The following AWAT1 variants were observed in gnomAD, a reference collection of about 807,000 sequenced individuals.
The protein encoded by AWAT1 is acyl-CoA wax alcohol acyltransferase 1, also known as diacyl-glycerol acyltransferase 2.
In AWAT1, 26 loss-of-function variants were observed where a neutral mutation model predicts 21.6. The observed-to-expected ratio is 1.20, with a 90% CI of 0.88 to 1.67. The LOEUF (loss-of-function observed/expected upper bound fraction) is 1.67, where lower values mean the gene tolerates loss of function less well. Among genes scored for constraint, AWAT1 ranks in the 40% most tolerant of loss-of-function variants. AWAT1 has a pLI of 0.00. For synonymous variants in AWAT1, 102 were observed against 99.3 expected (o/e 1.03, Z -0.16); for missense variants, 264 against 249.4 (o/e 1.06, Z -0.39).
At position 70,234,790 on chromosome X, in the gene AWAT1, G is replaced by A; in HGVS notation, c.76+19G>A. 8.4e-7 allele frequency: 1 copy of A among 1,188,638 alleles called. No individual in the cohort carries two copies. Among genetic ancestry groups the A allele is most frequent in the Non-Finnish European group, 1.1e-6 (1 of 875,461 alleles). ...GCCATCTGTGAGTATTGACCCAAGA[G>A]TGCATAGCAAGAAGCCAGAGTCAGA... On this transcript the variant is annotated intron_variant, in intron 1 of 6. Coordinates refer to ENST00000374521, the MANE Select transcript of AWAT1 (RefSeq NM_001013579.3).
At chrX:70,238,485 A>G in intron 5 of AWAT1, 102 bp downstream of exon 5, 1 of 889,864 alleles carries the variant, frequency 1.1e-6, no homozygotes, top group South Asian at 3.6e-5. Context: ...CCCTCAAGGA[A>G]CATACTACCA....
At position 70,240,602 on chromosome X, in the gene AWAT1, C is replaced by T; in HGVS notation, c.*312C>T. On this transcript the variant is annotated 3_prime_UTR_variant, in exon 7 of 7. Transcript: ENST00000374521. ...CCCCCAGCCCCTGGGCAACTATCTACTTTCTGTCTCTGTGGATTTGCCAAT... is the reference window on the plus strand; with the variant it reads ...CCCCCAGCCCCTGGGCAACTATCTATTTTCTGTCTCTGTGGATTTGCCAAT... The T allele has an allele frequency of 8.0e-6, 2 of 251,255 alleles. No homozygotes were observed. Among genetic ancestry groups the T allele is most frequent in the Non-Finnish European group, 7.2e-6 (1 of 139,721 alleles). The allele number at this position is 251,255 out of a possible 1,213,427, so 20.7% of individuals were successfully genotyped here.
In AWAT1 at chrX:70,240,644, AAATGG is replaced by A. The variant is rs1294962551; in HGVS notation, c.*358_*362del. 1 of 197,617 alleles carries A rather than the reference AAATGG, an allele frequency of 5.1e-6. No homozygotes were observed. The highest frequency in any genetic ancestry group is 2.9e-5 in the African/African-American group (1 of 34,697). 16.3% of individuals were successfully genotyped at this position (197,617 alleles called of 1,213,427 possible). A position where few individuals can be genotyped will look rare whatever the true frequency, so the allele number is the denominator to read the frequency against. ...TTTGCCAATTCTGAACATTTTATAT[AAATGG>A]AATAATACAATATGTGGTCTTTTGT... is the stretch of plus-strand genomic sequence containing the variant. On this transcript the variant is annotated 3_prime_UTR_variant, in exon 7 of 7. Coordinates refer to ENST00000374521, the MANE Select transcript of AWAT1 (RefSeq NM_001013579.3).
At position 70,240,504 on chromosome X, in the gene AWAT1, G is replaced by A; in HGVS notation, c.*214G>A. The A allele has an allele frequency of 2.5e-6, 1 of 400,704 alleles. No individual in the cohort carries two copies. Among genetic ancestry groups the A allele is most frequent in the Non-Finnish European group, 4.2e-6 (1 of 235,303 alleles). 33.0% of individuals were successfully genotyped at this position (400,704 alleles called of 1,213,427 possible). A position where few individuals can be genotyped will look rare whatever the true frequency, so the allele number is the denominator to read the frequency against. ...ATTCCTCAAAGGAGGGCATCCTAGT[G>A]CCCCTCATGCTGGGGCCTGATGCCT... On this transcript the variant is annotated 3_prime_UTR_variant, in exon 7 of 7. Coordinates refer to ENST00000374521, the MANE Select transcript of AWAT1 (RefSeq NM_001013579.3).
Position 70,238,331 on chromosome X carries a change from A to G in AWAT1, c.580A>G (p.Thr194Ala). Residue 194 changes from threonine (T) to alanine (A), a missense_variant, in exon 5 of 7, where the codon ACC becomes GCC. Physicochemically the swap from Thr to Ala is moderately conservative, Grantham distance 58. Coordinates refer to ENST00000374521, the MANE Select transcript of AWAT1 (RefSeq NM_001013579.3). ...CCTGCAAAGTGTGCCCAACACCACC[A>G]CCCTCATCCTCCAGAAGCGCAAGGG... Reference protein sequence around the residue: ...EALQSVPNTTTLILQKRKGFV... With the variant: ...EALQSVPNTTALILQKRKGFV... 3 of 1,208,866 alleles carry G rather than the reference A, an allele frequency of 2.5e-6. No individual in the cohort carries two copies. The highest frequency in any genetic ancestry group is 3.4e-6 in the Non-Finnish European group (3 of 893,393).
At chrX:70,234,990 G>T (rs767315789) in intron 1 of AWAT1, among the ~76,000 whole-genome samples, 1 of 109,986 alleles carries the variant, frequency 9.1e-6, no homozygotes, top group Admixed American at 9.8e-5. Flanking sequence ...GTGGGAGGGG[G>T]CGGGGGGTGG....
In AWAT1 at chrX:70,238,225, G is replaced by GAGCC; in HGVS notation, c.484_487dup (p.Ile163SerfsTer23). The GAGCC allele has an allele frequency of 1.7e-6, 2 of 1,207,441 alleles. No homozygotes were observed. Among genetic ancestry groups the GAGCC allele is most frequent in the African/African-American group, 1.7e-5 (1 of 57,754 alleles). ...GATTCTCTTTAGGTGTGTGCTCTGTGAGCCAGCCAGCCATCAACTATCTGC... is the reference window on the plus strand; with the variant it reads ...GATTCTCTTTAGGTGTGTGCTCTGTGAGCCAGCCAGCCAGCCATCAACTATCTGC... On this transcript the variant is annotated frameshift_variant, in exon 5 of 7. Transcript: ENST00000374521. LOFTEE classifies it high-confidence loss of function.
Position 70,238,273 on chromosome X carries a change from C to G in AWAT1, c.522C>G (p.Leu174=), listed in dbSNP as rs770689601. 3.9e-5 allele frequency: 47 copies of G among 1,209,513 alleles called. No homozygotes were observed. The highest frequency in any genetic ancestry group is 5.1e-5 in the Non-Finnish European group (46 of 894,766). The change falls in exon 5 of 7, where the codon CTC becomes CTG. Residue 174 remains leucine (L), a synonymous_variant. Coordinates refer to ENST00000374521, the MANE Select transcript of AWAT1 (RefSeq NM_001013579.3). ...NYLLSHGTGN[L]VGIVVGGVGE... is the part of the protein sequence containing the mutation. ...TGCTGAGCCATGGCACTGGCAACCT[C>G]GTGGGCATTGTAGTGGGAGGTGTGG... is the stretch of plus-strand genomic sequence containing the variant.
chrX:70,236,678 T>C (rs1263332323), intron 3 of AWAT1, among the ~76,000 whole-genome samples: 1 of 111,622 alleles, frequency 9.0e-6, no homozygotes, highest in Admixed American at 9.5e-5. Flanking sequence ...TGTACTGTTA[T>C]GCTGATCCTC....
intron 5 of AWAT1, 23 bp downstream of exon 5, chrX:70,238,406 C>A: frequency 8.6e-7 from 1 of 1,158,674 alleles, no homozygotes; most frequent in Non-Finnish European, 1.2e-6. Context: ...CACAGAGGGG[C>A]AGTGCATGGT....
intron 3 of AWAT1, 70 bp downstream of exon 3, chrX:70,236,209 G>A: frequency 1.1e-6 from 1 of 870,756 alleles, no homozygotes; most frequent in Non-Finnish European, 1.7e-6. Context: ...CACATGACTA[G>A]AGTTGTCCAT....
intron 4 of AWAT1, 102 bp from the exon 5 acceptor site, chrX:70,238,110 C>T: frequency 1.2e-6 from 1 of 844,057 alleles, no homozygotes; most frequent in Non-Finnish European, 1.7e-6. Context: ...TGCTCCTCTC[C>T]TCCTTGGAAC....
At chrX:70,238,449 C>T (rs775673821) in intron 5 of AWAT1, 66 bp downstream of exon 5, 673 of 1,034,680 alleles carry the variant, frequency 6.5e-4, no homozygotes, top group Non-Finnish European at 7.9e-4. Context: ...GTCGGTGAGG[C>T]CAGGATGAAT....
At position 70,239,777 on chromosome X, in the gene AWAT1, G is replaced by A. The variant is rs2085529991; in HGVS notation, c.675G>A (p.Val225=). The A allele has an allele frequency of 8.3e-7, 1 of 1,209,439 alleles. No homozygotes were observed. Among genetic ancestry groups the A allele is most frequent in the Non-Finnish European group, 1.1e-6 (1 of 894,817 alleles). ...VPTFTFGETE[V]YDQVLFHKDS... is the part of the protein sequence containing the mutation. Reference sequence around the variant, plus strand: ...CCTTCACTTTTGGGGAAACTGAGGTGTATGATCAGGTGCTGTTCCATAAGG... The same window carrying A: ...CCTTCACTTTTGGGGAAACTGAGGTATATGATCAGGTGCTGTTCCATAAGG... Residue 225 remains valine (V), a synonymous_variant, in exon 6 of 7, where the codon GTG becomes GTA. Coordinates refer to ENST00000374521, the MANE Select transcript of AWAT1 (RefSeq NM_001013579.3).
intron 5 of AWAT1, among the ~76,000 whole-genome samples, chrX:70,239,277 G>A (rs918299409): frequency 3.2e-4 from 36 of 112,642 alleles, no homozygotes; most frequent in Non-Finnish European, 5.1e-4. Flanking sequence ...ATTGTTATTA[G>A]CAAGTCACAA....
chrX:70,240,473 A>C lies in AWAT1; in HGVS notation c.*183A>C. 1 of 471,922 alleles carries C rather than the reference A, an allele frequency of 2.1e-6. No homozygotes were observed. Among genetic ancestry groups the C allele is most frequent in the East Asian group, 3.7e-5 (1 of 27,326 alleles). The allele number at this position is 471,922 out of a possible 1,213,427, so 38.9% of individuals were successfully genotyped here. On this transcript the variant is annotated 3_prime_UTR_variant, in exon 7 of 7. Coordinates refer to ENST00000374521, the MANE Select transcript of AWAT1 (RefSeq NM_001013579.3). The stretch of plus-strand genomic sequence containing the variant: ...AGGAATTCTTTCTGAAGAGCTGCAC[A>C]CAGTCATTCCTCAAAGGAGGGCATC...
chrX:70,240,341 G>C lies in AWAT1; in HGVS notation c.*51G>C, dbSNP rs749710827. ...ACAGGAGTGCCTGCCTTGAAGAAGA[G>C]ACTCATCTGCCACTAACCAAAGACA... is the stretch of plus-strand genomic sequence containing the variant. On this transcript the variant is annotated 3_prime_UTR_variant, in exon 7 of 7. Coordinates refer to ENST00000374521, the MANE Select transcript of AWAT1 (RefSeq NM_001013579.3). 114 of 1,152,830 alleles carry C rather than the reference G, an allele frequency of 9.9e-5. No homozygotes were observed. In the South Asian group the frequency reaches 1.9e-3, roughly 19 times the overall value.
In AWAT1 at chrX:70,235,705, T is replaced by TC; in HGVS notation, c.77-8dup. The stretch of plus-strand genomic sequence containing the variant: ...GCAGCACAAATTTGGTCTAACCTGG[T>TC]CCCTCATCAGTTTGGATCTTGCAGC... On this transcript the variant is annotated splice_polypyrimidine_tract_variant and intron_variant, in intron 1 of 6. Transcript: ENST00000374521. 8.4e-7 allele frequency: 1 copy of TC among 1,196,729 alleles called. No individual in the cohort carries two copies. Among genetic ancestry groups the TC allele is most frequent in the Non-Finnish European group, 1.1e-6 (1 of 882,206 alleles).
Position 70,239,941 on chromosome X carries a change from G to C in AWAT1, c.832+7G>C. On this transcript the variant is annotated splice_region_variant and intron_variant, in intron 6 of 6. Transcript: ENST00000374521. The stretch of plus-strand genomic sequence containing the variant: ...AGGCCTATTGTCACTGTGGGTGAGT[G>C]CCACTCTCAGCCCCAGTGCCACCTC... The C allele has an allele frequency of 8.3e-7, 1 of 1,202,808 alleles. No homozygotes were observed. The highest frequency in any genetic ancestry group is 1.1e-6 in the Non-Finnish European group (1 of 888,966).
Sources: gnomAD v4.1 joint callset for allele counts (sites outside exome capture counted in the v4.1 genomes callset) on GRCh38, gnomAD v4.1.1 for gene constraint, MANE v1.5 for transcripts, NCBI Gene and HGNC (gene_info 2026-07-23, HGNC 2026-07-21) for gene names.